The following AMPH variants were observed in gnomAD, a reference collection of about 807,000 sequenced individuals.
AMPH encodes the protein amphiphysin.
AMPH carries 49 observed loss-of-function variants against 99.1 expected under a neutral mutation model. The ratio of observed to expected loss-of-function variants is 0.49; its 90% CI spans 0.39 to 0.63. The LOEUF (loss-of-function observed/expected upper bound fraction) is 0.63, where lower values mean the gene tolerates loss of function less well. AMPH is among the 20% of genes least tolerant of loss of function. AMPH has a pLI of 0.00. For synonymous variants in AMPH, 314 were observed against 317.3 expected (o/e 0.99, Z 0.11); for missense variants, 759 against 863.4 (o/e 0.88, Z 1.52).
intron 17 of AMPH, among the ~76,000 whole-genome samples, chr7:38,399,342 G>T (rs1784778807): frequency 6.6e-6 from 1 of 152,122 alleles, no homozygotes; most frequent in Non-Finnish European, 1.5e-5. Context: ...ATGATCAGGG[G>T]GCATCAGTCC....
intron 5 of AMPH, among the ~76,000 whole-genome samples, chr7:38,490,724 A>C (rs1230610327): frequency 1.3e-5 from 2 of 152,166 alleles, no homozygotes; most frequent in South Asian, 4.1e-4. Flanking sequence ...TCCCTGTCAA[A>C]TGCTATATAA....
chr7:38,474,158 A>T (rs949221527), intron 7 of AMPH, among the ~76,000 whole-genome samples: 3 of 152,148 alleles, frequency 2.0e-5, no homozygotes, highest in Non-Finnish European at 4.4e-5. Flanking sequence ...AAAAAATGAT[A>T]GATTGATTAT....
rs780556037 is a variant in AMPH at position 38,466,233 on chromosome 7, A to G, written c.606T>C (p.Tyr202=). The change falls in exon 8 of 21, where the codon TAT becomes TAC. Residue 202 remains tyrosine (Y), a synonymous_variant. Coordinates refer to ENST00000356264, the MANE Select transcript of AMPH (RefSeq NM_001635.4). ...TGGAGACGTTTTTGAAAGTATTAAC[A>G]TAAAATCCAACTCGTCTGCCATGTG... The part of the protein sequence containing the change: ...PSLWSRRVGF[Y]VNTFKNVSSL... The G allele has an allele frequency of 1.9e-5, 30 of 1,594,052 alleles. No individual in the cohort carries two copies. In the Middle Eastern group the frequency reaches 1.2e-3, roughly 62 times the overall value.
chr7:38,513,819 G>A (rs1789632607), intron 2 of AMPH, among the ~76,000 whole-genome samples: 1 of 152,148 alleles, frequency 6.6e-6, no homozygotes, highest in Admixed American at 6.5e-5. Context: ...TTCTCCTCCT[G>A]CCTACTCAAG....
intron 18 of AMPH, among the ~76,000 whole-genome samples, chr7:38,393,441 A>G (rs1347117511): frequency 6.6e-6 from 1 of 152,062 alleles, no homozygotes; most frequent in Non-Finnish European, 1.5e-5. Context: ...GTGGCCTCTC[A>G]ATGCTGCTCT....
At chr7:38,580,129 G>GA (rs1400225749) in intron 1 of AMPH, among the ~76,000 whole-genome samples, 2 of 151,914 alleles carry the variant, frequency 1.3e-5, no homozygotes, top group South Asian at 2.1e-4. Flanking sequence ...CCCAAACTAG[G>GA]AAAAAATGCT....
intron 1 of AMPH, among the ~76,000 whole-genome samples, chr7:38,572,124 C>T (rs1319626920): frequency 6.6e-6 from 1 of 152,076 alleles, no homozygotes; most frequent in Non-Finnish European, 1.5e-5. Context: ...AGGCTGGTGT[C>T]AAACTCCCGA....
rs897790436 is a variant in AMPH at position 38,462,921 on chromosome 7, C to T, written c.888+54G>A. 375 of 1,494,420 alleles carry T rather than the reference C, an allele frequency of 2.5e-4. 1 individual carries two copies. Among genetic ancestry groups the T allele is most frequent in the Non-Finnish European group, 2.9e-5 (33 of 1,120,350 alleles). The allele number at this position is 1,494,420 out of a possible 1,614,324, so 92.6% of individuals were successfully genotyped here. A position where few individuals can be genotyped will look rare whatever the true frequency, so the allele number is the denominator to read the frequency against. On this transcript the variant is annotated intron_variant, in intron 10 of 20. Transcript: ENST00000356264. ...CACCGTGGGATTATCCTAGATGGGG[C>T]CACCTTCATCTCATCATGAGCTCTA...
intron 9 of AMPH, chr7:38,464,077 G>C: frequency 7.8e-7 from 1 of 1,289,724 alleles, no homozygotes; most frequent in Non-Finnish European, 1.0e-6. Flanking sequence ...AGATGCCACT[G>C]AGCTCACTCA....
chr7:38,399,592 T>C (rs895657825), intron 17 of AMPH, among the ~76,000 whole-genome samples: 3 of 152,254 alleles, frequency 2.0e-5, no homozygotes, highest in African/African-American at 7.2e-5. Flanking sequence ...TGTTAGCTAT[T>C]TGTAGAGCTA....
intron 17 of AMPH, among the ~76,000 whole-genome samples, chr7:38,401,673 T>C (rs1784844825): frequency 6.6e-6 from 1 of 152,234 alleles, no homozygotes; most frequent in Non-Finnish European, 1.5e-5. Context: ...AACCTAATTG[T>C]TGTTCATTTG....
intron 1 of AMPH, among the ~76,000 whole-genome samples, chr7:38,561,266 A>G (rs970995543): frequency 3.3e-5 from 5 of 152,320 alleles, no homozygotes; most frequent in African/African-American, 1.2e-4. Context: ...CAGCCCTGAA[A>G]GCATGACTGT....
chr7:38,630,516 G>C (rs1365443336), intron 1 of AMPH, among the ~76,000 whole-genome samples: 1 of 152,150 alleles, frequency 6.6e-6, no homozygotes, highest in Non-Finnish European at 1.5e-5. Context: ...GTGCAATCTG[G>C]ATTTTTTAAA....
intron 11 of AMPH, 131 bp downstream of exon 11, chr7:38,461,152 A>T (rs1005206574): frequency 1.9e-6 from 2 of 1,080,912 alleles, no homozygotes; most frequent in Non-Finnish European, 2.7e-6. Flanking sequence ...CCAAGTAATT[A>T]AAACAAGCCT....
chr7:38,492,981 T>C (rs55908594), intron 4 of AMPH, among the ~76,000 whole-genome samples: 7 of 152,222 alleles, frequency 4.6e-5, no homozygotes, highest in African/African-American at 1.7e-4. Flanking sequence ...TAATTGCATC[T>C]GAAAGTAATG....
chr7:38,453,320 C>A (rs1424283888), intron 11 of AMPH, among the ~76,000 whole-genome samples: 2 of 152,094 alleles, frequency 1.3e-5, no homozygotes, highest in Non-Finnish European at 2.9e-5. Flanking sequence ...CTGAAAGCTC[C>A]CACATTCCTT....
rs148015323 is a variant in AMPH, at chr7:38,565,368, C to G, written c.70-30357G>C. 9.0e-4 allele frequency among the ~76,000 whole-genome samples: 137 copies of G among 152,288 alleles called. 3 individuals carry two copies. The East Asian group carries it at 0.025, about 28-fold the overall frequency. ...GGCTTAAAACACAAACATGTACTTTCTCACAGTTCTGCAGACTGGAAGTCT... is the reference window on the plus strand; with the variant it reads ...GGCTTAAAACACAAACATGTACTTTGTCACAGTTCTGCAGACTGGAAGTCT... On this transcript the variant is annotated intron_variant, in intron 1 of 20. Coordinates refer to ENST00000356264, the MANE Select transcript of AMPH (RefSeq NM_001635.4).
At chr7:38,518,830 T>A (rs571926234) in intron 2 of AMPH, among the ~76,000 whole-genome samples, 1 of 152,190 alleles carries the variant, frequency 6.6e-6, no homozygotes. Context: ...TATTTTGAAT[T>A]GTGAGAAGGA....
At chr7:38,504,086 G>A (rs887306627) in intron 2 of AMPH, among the ~76,000 whole-genome samples, 5 of 152,180 alleles carry the variant, frequency 3.3e-5, no homozygotes, top group Non-Finnish European at 7.3e-5. Flanking sequence ...GAGATGTACT[G>A]TAAGGGTATT....
Sources: gnomAD v4.1 joint callset for allele counts (sites outside exome capture counted in the v4.1 genomes callset) on GRCh38, gnomAD v4.1.1 for gene constraint, MANE v1.5 for transcripts, NCBI Gene and HGNC (gene_info 2026-07-23, HGNC 2026-07-21) for gene names.